Variants in OCA2 observed in about 807,000 individuals in gnomAD.
OCA2 encodes OCA2 melanosomal transmembrane protein.
In OCA2, 77 loss-of-function variants were observed where a neutral mutation model predicts 100.2. The observed-to-expected ratio is 0.77, with a 90% CI of 0.64 to 0.93. The LOEUF is 0.93. Among genes scored for constraint, OCA2 ranks in the 40% least tolerant of loss-of-function variants. The probability of loss-of-function intolerance (pLI) is 0.00; values close to 1 mark genes in which losing one functional copy is unlikely to be tolerated. For missense variants in OCA2, 1,062 were observed against 1,089.1 expected, an observed-to-expected ratio of 0.98 and a Z score of 0.35; for synonymous variants, 432 against 439.2, an observed-to-expected ratio of 0.98 and a Z score of 0.21.
chr15:27,887,495 G>A (rs1301475823), intron 19 of OCA2, among the ~76,000 whole-genome samples: 1 of 151,172 alleles, frequency 6.6e-6, no homozygotes, highest in Non-Finnish European at 1.5e-5. Flanking sequence ...ACCAGTGACT[G>A]GACAGAACCT....
chr15:28,022,543 T>C lies in OCA2; in HGVS notation c.604A>G (p.Lys202Glu), dbSNP rs1566809505. The C allele has an allele frequency of 6.2e-7, 1 of 1,614,074 alleles. No individual in the cohort carries two copies. Among genetic ancestry groups the C allele is most frequent in the Non-Finnish European group, 8.5e-7 (1 of 1,179,930 alleles). ...ILFSLYPDQG[K>E]LWQLLALSPL... ...GATAAGGCCAACAGCTGCCAGAGCT[T>C]TCCTTGATCCGGATATAGGCTGAAC... Residue 202 changes from lysine to glutamate, a missense_variant, in exon 6 of 24, where the codon AAG becomes GAG. By Grantham distance (56) the Lys-to-Glu change is moderately conservative. Coordinates refer to ENST00000354638, the MANE Select transcript of OCA2 (RefSeq NM_000275.3).
At chr15:27,924,371 T>C (rs2038971198) in intron 19 of OCA2, among the ~76,000 whole-genome samples, 1 of 151,334 alleles carries the variant, frequency 6.6e-6, no homozygotes, top group Non-Finnish European at 1.5e-5. Context: ...TTCAAATCCA[T>C]GTTGTTCAAG....
chr15:27,851,431 C>T lies in OCA2; in HGVS notation c.2289G>A (p.Leu763=). 1.2e-6 allele frequency: 2 copies of T among 1,613,982 alleles called. No homozygotes were observed. ...LNLSHDPEVG[L]PAPPLMYALA... Reference sequence around the variant, plus strand: ...GGGCATACATGAGCGGCGGTGCGGGCAGGCCAACCTCAGGGTCGTGGCTCA... The same window carrying T: ...GGGCATACATGAGCGGCGGTGCGGGTAGGCCAACCTCAGGGTCGTGGCTCA... Residue 763 remains leucine (L), a synonymous_variant, in exon 22 of 24, where the codon CTG becomes CTA. Coordinates refer to ENST00000354638, the MANE Select transcript of OCA2 (RefSeq NM_000275.3).
chr15:27,824,959 T>C (rs1030620673), intron 23 of OCA2, among the ~76,000 whole-genome samples: 1 of 152,246 alleles, frequency 6.6e-6, no homozygotes, highest in Non-Finnish European at 1.5e-5. Flanking sequence ...GCCAAGATAA[T>C]GCTTTTTCTC....
chr15:28,067,505 G>A (rs1258087285), intron 2 of OCA2, among the ~76,000 whole-genome samples: 17 of 151,966 alleles, frequency 1.1e-4, no homozygotes, highest in Non-Finnish European at 1.5e-5. Context: ...TCCTAATGCT[G>A]TATCTCAGAG....
At chr15:27,791,296 G>T (rs2033068558) in intron 23 of OCA2, among the ~76,000 whole-genome samples, 1 of 152,132 alleles carries the variant, frequency 6.6e-6, no homozygotes, top group African/African-American at 2.4e-5. Context: ...ATGATGAAAA[G>T]ACACTCTTAA....
chr15:27,936,528 G>C (rs1338558176), intron 18 of OCA2, among the ~76,000 whole-genome samples: 1 of 152,064 alleles, frequency 6.6e-6, no homozygotes, highest in East Asian at 1.9e-4. Context: ...GCACTGCTTG[G>C]CCATCAGCCT....
intron 3 of OCA2, among the ~76,000 whole-genome samples, chr15:28,028,893 C>T (rs1263618331): frequency 6.6e-6 from 1 of 152,088 alleles, no homozygotes. Context: ...ATCATGTTGG[C>T]CAGGCTAGTC....
At position 27,990,568 on chromosome 15, in the gene OCA2, C is replaced by T. The variant is rs1566767036; in HGVS notation, c.1116+8G>A. ...GGTAAGCCAGGGATTGGGACTGTGACAACTTACATCGCCAATCACAGCCAG... is the reference window on the plus strand; with the variant it reads ...GGTAAGCCAGGGATTGGGACTGTGATAACTTACATCGCCAATCACAGCCAG... On this transcript the variant is annotated splice_region_variant and intron_variant, in intron 10 of 23. Coordinates refer to ENST00000354638, the MANE Select transcript of OCA2 (RefSeq NM_000275.3). 8 of 1,613,690 alleles carry T rather than the reference C, an allele frequency of 5.0e-6. No homozygotes were observed. The highest frequency in any genetic ancestry group is 6.8e-6 in the Non-Finnish European group (8 of 1,179,740).
intron 23 of OCA2, among the ~76,000 whole-genome samples, chr15:27,761,730 C>T (rs2030857896): frequency 6.6e-6 from 1 of 152,174 alleles, no homozygotes; most frequent in Admixed American, 6.5e-5. Context: ...CTATGTAGCA[C>T]CAGTAATTAA....
chr15:27,846,637 C>T (rs11855759), intron 22 of OCA2, among the ~76,000 whole-genome samples: 75,656 of 152,086 alleles, frequency 0.5, 20,088 homozygotes, highest in African/African-American at 0.7. Flanking sequence ...CTGCTGTGGG[C>T]GTGGATTCCT....
chr15:28,097,458 GC>G (rs1473192526), intron 1 of OCA2, among the ~76,000 whole-genome samples: 1 of 152,238 alleles, frequency 6.6e-6, no homozygotes, highest in Non-Finnish European at 1.5e-5. Flanking sequence ...CACTGGGTCA[GC>G]CCCTGCCCCA....
In OCA2 at chr15:27,856,095, C is replaced by T. The variant is rs568601985; in HGVS notation, c.2245-4620G>A. 7.2e-5 allele frequency among the ~76,000 whole-genome samples: 11 copies of T among 152,296 alleles called. No homozygotes were observed. In the South Asian group the frequency reaches 2.3e-3, roughly 32 times the overall value. On this transcript the variant is annotated intron_variant, in intron 21 of 23. Coordinates refer to ENST00000354638, the MANE Select transcript of OCA2 (RefSeq NM_000275.3). ...CTGCGGCAATCCTGGCCATCCTTGG[C>T]TTGTGGGTGCATCACTCCAGCCACA...
At chr15:28,024,248 CG>C (rs1566811676) in intron 5 of OCA2, among the ~76,000 whole-genome samples, 1 of 152,132 alleles carries the variant, frequency 6.6e-6, no homozygotes, top group East Asian at 1.9e-4. Flanking sequence ...GAGCAGCCCT[CG>C]CCCTCCCCTC....
At chr15:27,842,480 A>G (rs2035376909) in intron 23 of OCA2, among the ~76,000 whole-genome samples, 2 of 152,254 alleles carry the variant, frequency 1.3e-5, no homozygotes, top group South Asian at 4.1e-4. Flanking sequence ...GTTAGATAAA[A>G]GTCAAATCAG....
Position 28,018,459 on chromosome 15 carries a change from G to C in OCA2, c.745C>G (p.His249Asp), listed in dbSNP as rs978003587. The change falls in exon 7 of 24, where the codon CAC (histidine) becomes GAC (aspartate). Residue 249 changes from histidine (H) to aspartate (D), a missense_variant. Coordinates refer to ENST00000354638, the MANE Select transcript of OCA2 (RefSeq NM_000275.3). ...GCCTGGGTCAGCTCCACCACGATGT[G>C]CTCTTCCCTCCCAGGACGACTCGGC... ...SGPSRPGREE[H>D]IVVELTQADA... 1 of 1,614,064 alleles carries C rather than the reference G, an allele frequency of 6.2e-7. No homozygotes were observed. Among genetic ancestry groups the C allele is most frequent in the African/African-American group, 1.3e-5 (1 of 75,048 alleles).
intron 19 of OCA2, among the ~76,000 whole-genome samples, chr15:27,911,602 A>G (rs2140260873): frequency 6.6e-6 from 1 of 152,212 alleles, no homozygotes; most frequent in African/African-American, 2.4e-5. Flanking sequence ...ACAAGAGAGA[A>G]GGGGGAGGTG....
At position 27,927,150 on chromosome 15, in the gene OCA2, G is replaced by T. The variant is rs2039072596; in HGVS notation, c.1952-896C>A. On this transcript the variant is annotated intron_variant, in intron 18 of 23. Coordinates refer to ENST00000354638, the MANE Select transcript of OCA2 (RefSeq NM_000275.3). ...ACTAAAAATACAAAATTAGCTGGAT[G>T]TGGTAGCACATGCCTGTAATCCCAG... Among the ~76,000 whole-genome samples the T allele has an allele frequency of 1.3e-5, 2 of 152,160 alleles. 1 individual carries two copies. Among genetic ancestry groups the T allele is most frequent in the South Asian group, 4.1e-4 (2 of 4,826 alleles).
At chr15:27,853,901 T>A (rs939574128) in intron 21 of OCA2, among the ~76,000 whole-genome samples, 3 of 152,212 alleles carry the variant, frequency 2.0e-5, no homozygotes, top group Admixed American at 1.3e-4. Context: ...GTGAATGATG[T>A]GCAATAATAT....
Sources: gnomAD v4.1 joint callset for allele counts (sites outside exome capture counted in the v4.1 genomes callset) on GRCh38, gnomAD v4.1.1 for gene constraint, MANE v1.5 for transcripts, NCBI Gene and HGNC (gene_info 2026-07-23, HGNC 2026-07-21) for gene names.